The following CFAP70 variants were observed in gnomAD, a reference collection of about 807,000 sequenced individuals.
The protein encoded by CFAP70 is cilia- and flagella-associated protein 70.
CFAP70 carries 81 observed loss-of-function variants against 137.6 expected under a neutral mutation model. The observed-to-expected ratio is 0.59, with a 90% CI of 0.49 to 0.71. The LOEUF (loss-of-function observed/expected upper bound fraction) is 0.71. Ranked by LOEUF, CFAP70 falls within the 30% of genes least tolerant of loss-of-function variation. The pLI is 0.00. For synonymous variants in CFAP70, 382 were observed against 423.6 expected (o/e 0.90, Z 1.20); for missense variants, 976 against 1,226.7 (o/e 0.80, Z 3.05).
At chr10:73,259,992 C>G (rs777187914) in intron 25 of CFAP70, among the ~76,000 whole-genome samples, 9 of 151,364 alleles carry the variant, frequency 5.9e-5, no homozygotes, top group Non-Finnish European at 8.8e-5. Context: ...CCTGCCACTG[C>G]ATTCCAGCCT....
At chr10:73,306,804 G>A (rs980753744) in intron 12 of CFAP70, among the ~76,000 whole-genome samples, 2 of 152,130 alleles carry the variant, frequency 1.3e-5, no homozygotes, top group African/African-American at 2.4e-5. Flanking sequence ...ACAAAATTAA[G>A]ACAGTTTGAT....
Position 73,291,826 on chromosome 10 carries a change from C to A in CFAP70, c.1904+55G>T, listed in dbSNP as rs965161049. The A allele has an allele frequency of 6.8e-6, 11 of 1,613,240 alleles. No homozygotes were observed. In the East Asian group the frequency reaches 2.5e-4, roughly 36 times the overall value. ...CATTTATGGAACCAAGACAATTTCA[C>A]GTAGAAACTTATCTGTTCCTTCCCA... is the stretch of plus-strand genomic sequence containing the variant. On this transcript the variant is annotated intron_variant, in intron 17 of 26. Coordinates refer to ENST00000310715, the Ensembl canonical transcript of CFAP70.
chr10:73,345,309 C>G, intron 4 of CFAP70, 65 bp from the exon 6 acceptor site: 1 of 1,407,258 alleles, frequency 7.1e-7, no homozygotes, highest in South Asian at 1.2e-5. Flanking sequence ...TTTGCATTAT[C>G]TCATTTGAAT....
intron 19 of CFAP70, among the ~76,000 whole-genome samples, chr10:73,286,766 CAG>C (rs1269159761): frequency 2.6e-5 from 4 of 152,170 alleles, no homozygotes; most frequent in Non-Finnish European, 5.9e-5. Context: ...GAGCCATAAA[CAG>C]AGTATTACCC....
At chr10:73,333,187 T>C (rs1446146433) in intron 7 of CFAP70, among the ~76,000 whole-genome samples, 2 of 151,906 alleles carry the variant, frequency 1.3e-5, no homozygotes, top group Admixed American at 1.3e-4. Flanking sequence ...AATCAGTGAA[T>C]GTGAGTATAT....
intron 24 of CFAP70, 106 bp downstream of exon 25, chr10:73,272,822 C>A: frequency 1.0e-6 from 1 of 962,422 alleles, no homozygotes; most frequent in South Asian, 1.4e-5. Flanking sequence ...GCAGACAGCC[C>A]TGATTGCTAT....
intron 7 of CFAP70, among the ~76,000 whole-genome samples, chr10:73,335,060 C>CTTTTTTTTT (rs547226854): frequency 4.2e-5 from 5 of 118,350 alleles, no homozygotes; most frequent in African/African-American, 6.7e-5. Context: ...TCTTCTTCTT[C>CTTTTTTTTT]TTTTTTTTTT....
At chr10:73,272,834 C>T in intron 24 of CFAP70, 94 bp downstream of exon 25, 1 of 1,103,990 alleles carries the variant, frequency 9.1e-7, no homozygotes, top group Non-Finnish European at 1.4e-6. Flanking sequence ...GATTGCTATT[C>T]CAATGTCATC....
intron 25 of CFAP70, among the ~76,000 whole-genome samples, chr10:73,269,234 C>T (rs1460744844): frequency 6.6e-6 from 1 of 152,144 alleles, no homozygotes; most frequent in Non-Finnish European, 1.5e-5. Flanking sequence ...TGAACTCCCA[C>T]ATTACCCTCC....
intron 25 of CFAP70, among the ~76,000 whole-genome samples, chr10:73,262,007 TGTATATATGTATATATTATATATG>T (rs2045276960): frequency 2.2e-5 from 3 of 139,292 alleles, no homozygotes; most frequent in Admixed American, 1.4e-4. Flanking sequence ...TGTATACATA[TGTATATATGTATATATTATATATG>T]TATATATGTA....
At chr10:73,330,215 G>A (rs1413719176) in intron 8 of CFAP70, among the ~76,000 whole-genome samples, 1 of 152,032 alleles carries the variant, frequency 6.6e-6, no homozygotes, top group East Asian at 1.9e-4. Context: ...ACTTTGGGAG[G>A]CTGAGGCGGG....
chr10:73,255,092 GTC>G (rs952313255), intron 26 of CFAP70, among the ~76,000 whole-genome samples: 29 of 151,994 alleles, frequency 1.9e-4, no homozygotes, highest in African/African-American at 6.8e-4. Context: ...GCAAAACCCT[GTC>G]TCTATGAAAA....
At chr10:73,285,195 T>C (rs1258412228) in intron 19 of CFAP70, among the ~76,000 whole-genome samples, 10 of 152,112 alleles carry the variant, frequency 6.6e-5, no homozygotes, top group Non-Finnish European at 1.3e-4. Context: ...TTGGGCTATT[T>C]TGAATTACCA....
intron 23 of CFAP70, 52 bp from the exon 25 acceptor site, chr10:73,273,069 T>A: frequency 7.4e-7 from 1 of 1,348,494 alleles, no homozygotes; most frequent in Non-Finnish European, 1.0e-6. Flanking sequence ...TCAAACCCCA[T>A]ATTGCTGGGA....
chr10:73,316,496 A>ATATC (rs948278741), intron 9 of CFAP70, among the ~76,000 whole-genome samples: 1 of 134,168 alleles, frequency 7.5e-6, no homozygotes, highest in African/African-American at 2.9e-5. Context: ...AGATATATAT[A>ATATC]TATATATATA....
chr10:73,273,969 C>T lies in CFAP70; in HGVS notation c.2835+464G>A, dbSNP rs529079997. The stretch of plus-strand genomic sequence containing the variant: ...AAAGGTTTTGTTTTTCCAAAGAACT[C>T]GGAATATTTCCCAAAATATGGGGAG... On this transcript the variant is annotated intron_variant, in intron 23 of 26. Transcript: ENST00000310715. 2.0e-5 allele frequency among the ~76,000 whole-genome samples: 3 copies of T among 152,194 alleles called. No homozygotes were observed. In the East Asian group the frequency reaches 5.8e-4, roughly 29 times the overall value.
At chr10:73,295,351 T>TGAAGGAAG (rs1166169169) in intron 15 of CFAP70, 7 of 105,738 alleles carry the variant, frequency 6.6e-5, no homozygotes, top group African/African-American at 1.6e-4. Context: ...AAGAAAGAAA[T>TGAAGGAAG]GAAGGAAGGA....
At chr10:73,361,505 A>G (rs569493615), upstream of CFAP70, among the ~76,000 whole-genome samples, 1 of 152,138 alleles carries the variant, frequency 6.6e-6, no homozygotes, top group Non-Finnish European at 1.5e-5. Flanking sequence ...TGACTGATTT[A>G]AAACATCCAC....
chr10:73,262,031 G>GTATATAT (rs2045287241), intron 25 of CFAP70, among the ~76,000 whole-genome samples: 3 of 130,784 alleles, frequency 2.3e-5, no homozygotes, highest in African/African-American at 1.1e-4. Flanking sequence ...TATTATATAT[G>GTATATAT]TATATATGTA....
Sources: allele counts gnomAD v4.1 joint callset (sites outside exome capture counted in the v4.1 genomes callset), GRCh38; gene constraint gnomAD v4.1.1; transcripts MANE v1.5; gene names NCBI Gene and HGNC (gene_info 2026-07-23, HGNC 2026-07-21).